The following ARHGEF2 variants were observed in gnomAD, a reference collection of about 807,000 sequenced individuals.
ARHGEF2 encodes Rho/Rac guanine nucleotide exchange factor 2.
In ARHGEF2, 22 loss-of-function variants were observed where a neutral mutation model predicts 121.0. That is an observed-to-expected ratio of 0.18 (90% CI 0.13 to 0.26). The LOEUF (loss-of-function observed/expected upper bound fraction) is 0.26, where lower values mean the gene tolerates loss of function less well. ARHGEF2 is among the 10% of genes least tolerant of loss of function. The pLI is 1.00. For missense variants in ARHGEF2, 907 were observed against 1,336.0 expected, an observed-to-expected ratio of 0.68 and a Z score of 5.01; for synonymous variants, 487 against 530.0, an observed-to-expected ratio of 0.92 and a Z score of 1.11.
At chr1:155,958,509 C>T (rs1677147991) in intron 11 of ARHGEF2, 113 bp from the exon 12 acceptor site, 1 of 747,110 alleles carries the variant, frequency 1.3e-6, no homozygotes, top group Non-Finnish European at 2.2e-6. Flanking sequence ...CAGTTTCCCT[C>T]TTCCTGGCCT....
At position 155,949,628 on chromosome 1, in the gene ARHGEF2, C is replaced by T. The variant is rs914478974; in HGVS notation, c.2887+671G>A. On this transcript the variant is annotated intron_variant, in intron 21 of 21. Transcript: ENST00000361247. ...GCGTGGTGGCTCATGCCTGTAATCC[C>T]GACACTCTGGGAGGCCAAGACAGGT... is the stretch of plus-strand genomic sequence containing the variant. 4.0e-5 allele frequency among the ~76,000 whole-genome samples: 6 copies of T among 151,640 alleles called. No individual in the cohort carries two copies. The East Asian group carries it at 1.2e-3, about 30-fold the overall frequency.
chr1:155,960,326 G>T (rs1475256613), intron 11 of ARHGEF2, among the ~76,000 whole-genome samples: 1 of 152,030 alleles, frequency 6.6e-6, no homozygotes, highest in Non-Finnish European at 1.5e-5. Flanking sequence ...AAAATGTGCT[G>T]GGTGTGGTGG....
At chr1:155,959,236 T>A (rs1017815192) in intron 11 of ARHGEF2, among the ~76,000 whole-genome samples, 2 of 152,220 alleles carry the variant, frequency 1.3e-5, no homozygotes, top group African/African-American at 4.8e-5. Flanking sequence ...TATTTATTTT[T>A]AATTTAATTT....
chr1:155,960,761 G>C (rs1470492203), intron 11 of ARHGEF2, among the ~76,000 whole-genome samples: 1 of 152,192 alleles, frequency 6.6e-6, no homozygotes, highest in African/African-American at 2.4e-5. Flanking sequence ...TTTGGCCTCA[G>C]GTATCACAGT....
At chr1:155,964,504 A>G (rs1313759999) in intron 7 of ARHGEF2, among the ~76,000 whole-genome samples, 3 of 152,082 alleles carry the variant, frequency 2.0e-5, no homozygotes, top group Non-Finnish European at 4.4e-5. Context: ...AAGAAGGGAT[A>G]AAGAGAGGGT....
chr1:155,958,644 T>C (rs1677197289), intron 11 of ARHGEF2, among the ~76,000 whole-genome samples: 1 of 151,266 alleles, frequency 6.6e-6, no homozygotes, highest in African/African-American at 2.4e-5. Context: ...GGTGCAATCT[T>C]GGCTCACTGC....
In ARHGEF2 at chr1:155,962,099, A is replaced by C; in HGVS notation, c.1219+6T>G. The C allele has an allele frequency of 1.2e-6, 2 of 1,613,794 alleles. No homozygotes were observed. The highest frequency in any genetic ancestry group is 8.5e-7 in the Non-Finnish European group (1 of 1,179,850). On this transcript the variant is annotated splice_donor_region_variant and intron_variant, in intron 10 of 21. Coordinates refer to ENST00000361247, the MANE Select transcript of ARHGEF2 (RefSeq NM_001162383.2). This position sits in a 1 kb window ranked among gnomAD's most constrained non-coding sequence, Gnocchi z 5.8. ...CAGTGGCCCTCTCCTGGGCCTGCCT[A>C]CTCACCGTGGGAATGCTGCAGGATG... is the stretch of plus-strand genomic sequence containing the variant.
chr1:155,974,070 GA>G (rs1680919013), intron 1 of ARHGEF2, among the ~76,000 whole-genome samples: 1 of 151,768 alleles, frequency 6.6e-6, no homozygotes. Context: ...TGTTTTTGTA[GA>G]GATGAGGTCT....
At position 155,961,169 on chromosome 1, in the gene ARHGEF2, T is replaced by A. The variant is rs1677823248; in HGVS notation, c.1468+492A>T. Among the ~76,000 whole-genome samples, 2 of 152,136 alleles carry A rather than the reference T, an allele frequency of 1.3e-5. No homozygotes were observed. The highest frequency in any genetic ancestry group is 2.9e-5 in the Non-Finnish European group (2 of 68,032). ...TACTGATAGGGAAGGCCCTGTATGG[T>A]CCATAAAGTTAACTGCAGAATTCAG... is the stretch of plus-strand genomic sequence containing the variant. On this transcript the variant is annotated intron_variant, in intron 11 of 21. Coordinates refer to ENST00000361247, the MANE Select transcript of ARHGEF2 (RefSeq NM_001162383.2). The surrounding 1 kb of genome is among the most constrained non-coding windows in gnomAD (Gnocchi z 4.7).
Position 155,951,457 on chromosome 1 carries a change from C to A in ARHGEF2, c.2259+26G>T. 1 of 1,613,996 alleles carries A rather than the reference C, an allele frequency of 6.2e-7. No individual in the cohort carries two copies. On this transcript the variant is annotated intron_variant, in intron 19 of 21. Coordinates refer to ENST00000361247, the MANE Select transcript of ARHGEF2 (RefSeq NM_001162383.2). This position sits in a 1 kb window ranked among gnomAD's most constrained non-coding sequence, Gnocchi z 5.1. ...ATCTCTAGCCTGGCTCCTCCCCTTCCCCATTCAAGCCCTTGTCCTACTGAC... is the reference window on the plus strand; with the variant it reads ...ATCTCTAGCCTGGCTCCTCCCCTTCACCATTCAAGCCCTTGTCCTACTGAC...
intron 1 of ARHGEF2, chr1:155,972,329 GGGCACTGCCCAGCAGCAAGCGACCCT>G (rs1415923799): frequency 4.3e-6 from 2 of 460,212 alleles, no homozygotes; most frequent in East Asian, 1.4e-4. Context: ...ATCCCAGCAT[GGGCACTGCCCAGCAGCAAGCGACCCT>G]GGCACTGCCT....
intron 7 of ARHGEF2, among the ~76,000 whole-genome samples, chr1:155,964,623 T>C (rs1484913640): frequency 6.6e-6 from 1 of 151,626 alleles, no homozygotes. Context: ...TAGGGGCTGG[T>C]AGAAAGAAGG....
intron 1 of ARHGEF2, among the ~76,000 whole-genome samples, chr1:155,972,936 TCAA>T (rs1680722006): frequency 2.6e-5 from 4 of 151,908 alleles, no homozygotes; most frequent in Admixed American, 2.6e-4. Context: ...ACTCCTAGGA[TCAA>T]GTGATCCTCC....
intron 1 of ARHGEF2, chr1:155,972,199 C>A: frequency 2.2e-6 from 1 of 458,102 alleles, no homozygotes; most frequent in Non-Finnish European, 4.5e-6. Flanking sequence ...GGCATCAATG[C>A]TCCACAGACA....
rs747586892 is a variant in ARHGEF2 at position 155,961,516 on chromosome 1, C to T, written c.1468+145G>A. The T allele has an allele frequency of 1.4e-4, 159 of 1,168,466 alleles. No homozygotes were observed. The highest frequency in any genetic ancestry group is 1.7e-4 in the Non-Finnish European group (140 of 831,610). 72.4% of individuals were successfully genotyped at this position (1,168,466 alleles called of 1,614,324 possible). On this transcript the variant is annotated intron_variant, in intron 11 of 21. Coordinates refer to ENST00000361247, the MANE Select transcript of ARHGEF2 (RefSeq NM_001162383.2). This position sits in a 1 kb window ranked among gnomAD's most constrained non-coding sequence, Gnocchi z 4.7. Reference sequence around the variant, plus strand: ...GTCTCAATCTCCTGACCTCGTGATCCGCCCGCCTCGGCCTCCCTAAGTGCT... The same window carrying T: ...GTCTCAATCTCCTGACCTCGTGATCTGCCCGCCTCGGCCTCCCTAAGTGCT...
rs1677835431 is a variant in ARHGEF2 at position 155,961,242 on chromosome 1, TG to T, written c.1468+418del. Among the ~76,000 whole-genome samples, 4 of 152,048 alleles carry T rather than the reference TG, an allele frequency of 2.6e-5. No individual in the cohort carries two copies. The highest frequency in any genetic ancestry group is 2.6e-4 in the Admixed American group (4 of 15,258). ...ATTTTTCTCTCCCACTGAGTCTCAC[TG>T]TTGTATGGGCTGCATAAAGGGAGGT... On this transcript the variant is annotated intron_variant, in intron 11 of 21. Coordinates refer to ENST00000361247, the MANE Select transcript of ARHGEF2 (RefSeq NM_001162383.2). The surrounding 1 kb of genome is among the most constrained non-coding windows in gnomAD (Gnocchi z 4.7).
chr1:155,977,859 T>C (rs1681576799), intron 1 of ARHGEF2, among the ~76,000 whole-genome samples: 1 of 151,540 alleles, frequency 6.6e-6, no homozygotes, highest in African/African-American at 2.4e-5. Context: ...GTGGTGGTGG[T>C]GGGAGGAAGC....
chr1:155,953,219 T>G (rs933666879), intron 14 of ARHGEF2, among the ~76,000 whole-genome samples: 2 of 140,408 alleles, frequency 1.4e-5, no homozygotes, highest in Non-Finnish European at 3.0e-5. Flanking sequence ...GAGGCCGAGA[T>G]CACACCACTG....
rs779447207 is a variant in ARHGEF2, at chr1:155,978,336, G to C, written c.63+29C>G. 1.3e-6 allele frequency: 2 copies of C among 1,494,334 alleles called. No individual in the cohort carries two copies. Among genetic ancestry groups the C allele is most frequent in the African/African-American group, 2.8e-5 (2 of 70,950 alleles). 92.6% of individuals were successfully genotyped at this position (1,494,334 alleles called of 1,614,324 possible). A position where few individuals can be genotyped will look rare whatever the true frequency, so the allele number is the denominator to read the frequency against. ...GGTTCGGGGAGCACCCGAGGACCGC[G>C]GCGAAAGGAGAGGGGTTTCCGAGCC... On this transcript the variant is annotated intron_variant, in intron 1 of 21. Coordinates refer to ENST00000361247, the MANE Select transcript of ARHGEF2 (RefSeq NM_001162383.2). This position sits in a 1 kb window ranked among gnomAD's most constrained non-coding sequence, Gnocchi z 4.1.
Sources: allele counts gnomAD v4.1 joint callset (sites outside exome capture counted in the v4.1 genomes callset), GRCh38; gene constraint gnomAD v4.1.1; non-coding constraint Gnocchi (gnomAD v3.1); transcripts MANE v1.5; gene names NCBI Gene and HGNC (gene_info 2026-07-23, HGNC 2026-07-21).